The following TRIM54 variants were observed in gnomAD, a reference collection of about 807,000 sequenced individuals.
TRIM54 encodes the protein tripartite motif-containing protein 54.
TRIM54 carries 40 observed loss-of-function variants against 42.0 expected under a neutral mutation model. The ratio of observed to expected loss-of-function variants is 0.95; its 90% CI spans 0.74 to 1.24. The LOEUF is 1.24. Ranked by LOEUF, TRIM54 falls within the 50% of genes most tolerant of loss-of-function variation. TRIM54 has a pLI of 0.00. For missense variants in TRIM54, 485 were observed against 480.3 expected (o/e 1.01, Z -0.09); for synonymous variants, 199 against 194.9 (o/e 1.02, Z -0.17).
At chr2:27,291,013 ATAGCTGTGTAC>A (rs1262703348) in intron 1 of TRIM54, among the ~76,000 whole-genome samples, 1 of 152,214 alleles carries the variant, frequency 6.6e-6, no homozygotes, top group Non-Finnish European at 1.5e-5. Flanking sequence ...GATTTTTGCC[ATAGCTGTGTAC>A]TACCTGTACT....
chr2:27,305,949 AGTTC>A (rs1679190383), intron 5 of TRIM54, 127 bp from the exon 6 acceptor site: 40 of 1,402,250 alleles, frequency 2.9e-5, no homozygotes, highest in Non-Finnish European at 3.9e-5. Flanking sequence ...ACCCCCTCTG[AGTTC>A]GTTTTCTGCT....
Position 27,299,287 on chromosome 2 carries a change from G to C in TRIM54, c.384G>C (p.Glu128Asp), listed in dbSNP as rs144534850. ...CTGAGCAGCACCTCATGTGCGAGGA[G>C]CATGAAGAAGAGAAGATCAATATTT... is the stretch of plus-strand genomic sequence containing the variant. ...SKAEQHLMCE[E>D]HEEEKINIYC... is the part of the protein sequence containing the mutation. The change falls in exon 3 of 9, where the codon GAG (glutamate) becomes GAC (aspartate). Residue 128 changes from glutamate (E) to aspartate (D), a missense_variant. By Grantham distance (45) the Glu-to-Asp change is conservative. Transcript: ENST00000380075. The C allele has an allele frequency of 1.9e-6, 3 of 1,614,150 alleles. No individual in the cohort carries two copies. Among genetic ancestry groups the C allele is most frequent in the Non-Finnish European group, 2.5e-6 (3 of 1,180,050 alleles).
chr2:27,296,377 C>G (rs1019624011), intron 1 of TRIM54, among the ~76,000 whole-genome samples: 2 of 152,220 alleles, frequency 1.3e-5, no homozygotes, highest in African/African-American at 4.8e-5. Context: ...CATAATCTTC[C>G]AGCCAGTTGG....
chr2:27,300,530 TGTA>T (rs1381784636), intron 3 of TRIM54, among the ~76,000 whole-genome samples: 1 of 108,318 alleles, frequency 9.2e-6, no homozygotes, highest in Admixed American at 1.1e-4. Context: ...GACTCACACT[TGTA>T]ATCCTTTGGG....
At chr2:27,304,072 C>T (rs888615025) in intron 3 of TRIM54, among the ~76,000 whole-genome samples, 7 of 150,524 alleles carry the variant, frequency 4.7e-5, no homozygotes, top group East Asian at 4.0e-4. Context: ...ATTAGCCGGA[C>T]GTGGTGTCAT....
In TRIM54 at chr2:27,306,645, T is replaced by TACCC; in HGVS notation, c.*1+103_*1+104insACCC. 1 of 1,228,022 alleles carries TACCC rather than the reference T, an allele frequency of 8.1e-7. No homozygotes were observed. Among genetic ancestry groups the TACCC allele is most frequent in the Non-Finnish European group, 1.1e-6 (1 of 897,378 alleles). 76.1% of individuals were successfully genotyped at this position (1,228,022 alleles called of 1,614,324 possible). On this transcript the variant is annotated intron_variant, in intron 8 of 8. Transcript: ENST00000380075. The surrounding 1 kb of genome is among the most constrained non-coding windows in gnomAD (Gnocchi z 6.1). ...CCCCTCCCCCAGTGATTGCCCTCCC[T>TACCC]GCGGGTAGCGTGGAGCCCCCACTCC...
intron 3 of TRIM54, 69 bp downstream of exon 3, chr2:27,299,485 C>T: frequency 1.3e-6 from 2 of 1,568,572 alleles, no homozygotes; most frequent in Non-Finnish European, 1.7e-6. Context: ...GTGTCAGCCT[C>T]TTACTCCACT....
chr2:27,305,180 T>A, intron 4 of TRIM54, 126 bp downstream of exon 4: 2 of 792,996 alleles, frequency 2.5e-6, no homozygotes, highest in Non-Finnish European at 4.1e-6. Context: ...GTCCTGGGAG[T>A]GGTGGGAGGT....
At chr2:27,289,750 C>A (rs940017713) in intron 1 of TRIM54, among the ~76,000 whole-genome samples, 1 of 151,664 alleles carries the variant, frequency 6.6e-6, no homozygotes. Context: ...TGAGCAGTGG[C>A]ACACACCTGC....
intron 4 of TRIM54, 178 bp downstream of exon 4, chr2:27,305,232 A>G (rs922660918): frequency 4.9e-6 from 3 of 615,156 alleles, no homozygotes; most frequent in East Asian, 5.5e-5. Context: ...GCTTTGCCGC[A>G]AAACTTTAAT....
At position 27,287,444 on chromosome 2, in the gene TRIM54, G is replaced by A. The variant is rs150276199; in HGVS notation, c.168+4545G>A. On this transcript the variant is annotated intron_variant, in intron 1 of 8. Coordinates refer to ENST00000380075, the MANE Select transcript of TRIM54 (RefSeq NM_187841.3). The stretch of plus-strand genomic sequence containing the variant: ...TTGTTCTCCAACTCCTGGACTCAAA[G>A]GATCCTCCCACCTCAGCCTCCCAAA... Among the ~76,000 whole-genome samples, 12 of 151,978 alleles carry A rather than the reference G, an allele frequency of 7.9e-5. No homozygotes were observed. The East Asian group carries it at 2.1e-3, about 27-fold the overall frequency.
chr2:27,283,262 G>A (rs1678438352), intron 1 of TRIM54, among the ~76,000 whole-genome samples: 1 of 152,134 alleles, frequency 6.6e-6, no homozygotes, highest in Admixed American at 6.6e-5. Flanking sequence ...AGAGCATTGT[G>A]GAAAATACGG....
intron 1 of TRIM54, among the ~76,000 whole-genome samples, chr2:27,297,067 C>A (rs1181790759): frequency 6.6e-6 from 1 of 152,070 alleles, no homozygotes; most frequent in East Asian, 1.9e-4. Context: ...CCCTTTATAC[C>A]ATGTGTCTTG....
intron 1 of TRIM54, among the ~76,000 whole-genome samples, chr2:27,287,005 A>G (rs746771082): frequency 1.1e-4 from 16 of 152,170 alleles, no homozygotes; most frequent in Non-Finnish European, 2.4e-4. Flanking sequence ...TGTGAATTGC[A>G]TTAAATTTGT....
At chr2:27,303,706 T>C (rs937271089) in intron 3 of TRIM54, among the ~76,000 whole-genome samples, 110 of 152,266 alleles carry the variant, frequency 7.2e-4, no homozygotes, top group African/African-American at 2.5e-3. Context: ...CTAGATTAAT[T>C]AATATCAATA....
At chr2:27,287,767 G>A (rs777680118) in intron 1 of TRIM54, among the ~76,000 whole-genome samples, 38 of 152,208 alleles carry the variant, frequency 2.5e-4, no homozygotes, top group Non-Finnish European at 3.1e-4. Context: ...GGCCTCAAGC[G>A]ATCCTCTCAG....
chr2:27,286,102 G>A (rs546987722), intron 1 of TRIM54, among the ~76,000 whole-genome samples: 1 of 151,580 alleles, frequency 6.6e-6, no homozygotes, highest in East Asian at 1.9e-4. Flanking sequence ...AGTATTAAGG[G>A]GTTGGGAGGA....
intron 3 of TRIM54, chr2:27,299,716 C>CTATCTATT: frequency 1.6e-6 from 1 of 610,000 alleles, no homozygotes; most frequent in Non-Finnish European, 2.9e-6. Context: ...ATCTATCTAT[C>CTATCTATT]ATATTTTGAG....
At chr2:27,301,108 G>C (rs1679022645) in intron 3 of TRIM54, among the ~76,000 whole-genome samples, 1 of 150,982 alleles carries the variant, frequency 6.6e-6, no homozygotes, top group African/African-American at 2.4e-5. Flanking sequence ...CATAGACAGA[G>C]CAGCCCCTAG....
Sources: allele counts gnomAD v4.1 joint callset (sites outside exome capture counted in the v4.1 genomes callset), GRCh38; gene constraint gnomAD v4.1.1; non-coding constraint Gnocchi (gnomAD v3.1); transcripts MANE v1.5; gene names NCBI Gene and HGNC (gene_info 2026-07-23, HGNC 2026-07-21).